ZP4: variants seen among roughly 807,000 people sequenced by gnomAD.
ZP4 encodes zona pellucida sperm-binding protein 4.
Under a neutral mutation model 62.3 loss-of-function variants are expected in ZP4, and 62 were observed. That is an observed-to-expected ratio of 0.99 (90% CI 0.81 to 1.23). ZP4 has a LOEUF of 1.23. Among genes scored for constraint, ZP4 ranks in the 50% most tolerant of loss-of-function variants. ZP4 has a pLI of 0.00. For missense variants in ZP4, 774 were observed against 656.0 expected (o/e 1.18, Z -1.97); for synonymous variants, 289 against 247.3 (o/e 1.17, Z -1.58).
chr1:237,887,436 T>C lies in ZP4; in HGVS notation c.679A>G (p.Met227Val), dbSNP rs368698417. ...LRNDSACNPV[M>V]ATQAFVLFQF... ...AACAGAACAAAAGCTTGTGTTGCCA[T>C]CACAGGGTTACACGCACTGTCATTC... The change falls in exon 5 of 12, where the codon ATG becomes GTG. Residue 227 changes from methionine (M) to valine (V), a missense_variant. Transcript: ENST00000366570. 7.4e-6 allele frequency: 12 copies of C among 1,614,010 alleles called. No homozygotes were observed. The African/African-American group carries it at 1.1e-4, about 14-fold the overall frequency.
At chr1:237,883,955 GTCACACACACAAACACACACACACACAA>G (rs1665006170) in intron 10 of ZP4, among the ~76,000 whole-genome samples, 1 of 134,948 alleles carries the variant, frequency 7.4e-6, no homozygotes, top group Non-Finnish European at 1.5e-5. Context: ...GCAAGAACTG[GTCACACACACAAACACACACACACACAA>G]ACACACACAC....
intron 10 of ZP4, 73 bp downstream of exon 10, chr1:237,884,696 C>T (rs1665052396): frequency 2.8e-6 from 4 of 1,412,198 alleles, no homozygotes; most frequent in Admixed American, 3.8e-5. Context: ...GTTGTTTGGC[C>T]AGAGACTAGG....
Position 237,885,430 on chromosome 1 carries a change from T to C in ZP4, c.1121A>G (p.Asp374Gly). Residue 374 changes from aspartate (D) to glycine (G), a missense_variant, in exon 8 of 12, where the codon GAC becomes GGC. Asp to Gly is a moderately conservative substitution (Grantham distance 94). Transcript: ENST00000366570. ...GGGCCACTGTGGCTGACTCAGGGGG[T>C]CAGTGCTGGGTGTTGCCCAACACTG... ...LQQCWATPST[D>G]PLSQPQWPIL... 6.2e-7 allele frequency: 1 copy of C among 1,613,228 alleles called. No individual in the cohort carries two copies. Among genetic ancestry groups the C allele is most frequent in the Non-Finnish European group, 8.5e-7 (1 of 1,179,638 alleles).
chr1:237,884,253 G>T (rs1221783236), intron 10 of ZP4, among the ~76,000 whole-genome samples: 2 of 152,118 alleles, frequency 1.3e-5, no homozygotes, highest in African/African-American at 4.8e-5. Context: ...TATGAGTTTT[G>T]CTAGAAGGCA....
intron 5 of ZP4, 59 bp from the exon 6 acceptor site, chr1:237,886,927 G>C: frequency 6.8e-7 from 1 of 1,464,704 alleles, no homozygotes; most frequent in Non-Finnish European, 9.5e-7. Flanking sequence ...TGCTTGACTT[G>C]CATCTGGTCT....
chr1:237,890,874 A>G lies in ZP4; in HGVS notation c.-239T>C. On this transcript the variant is annotated 5_prime_UTR_variant, in exon 1 of 12. Coordinates refer to ENST00000366570, the MANE Select transcript of ZP4 (RefSeq NM_021186.5). ...ACAATCCAGGCAGACTTCAGAGCCCAAGAAAAATGTAGTAACTTTTAGCTA... is the reference window on the plus strand; with the variant it reads ...ACAATCCAGGCAGACTTCAGAGCCCGAGAAAAATGTAGTAACTTTTAGCTA... The G allele has an allele frequency of 5.0e-6, 2 of 397,646 alleles. No homozygotes were observed. Among genetic ancestry groups the G allele is most frequent in the Non-Finnish European group, 8.9e-6 (2 of 224,692 alleles). The allele number at this position is 397,646 out of a possible 1,614,324, so 24.6% of individuals were successfully genotyped here.
At position 237,882,827 on chromosome 1, in the gene ZP4, G is replaced by C. The variant is rs536140661; in HGVS notation, c.1410C>G (p.Asn470Lys). The change falls in exon 11 of 12, where the codon AAC becomes AAG. Residue 470 changes from asparagine (N) to lysine (K), a missense_variant. Transcript: ENST00000366570. Reference protein sequence around the residue: ...PDLSRRRNFDNSSQNTTASVS... With the variant: ...PDLSRRRNFDKSSQNTTASVS... ...CACTAGCAGTAGTGTTCTGAGAACT[G>C]TTGTCAAAATTTCTTCTTCCTGTTA... is the stretch of plus-strand genomic sequence containing the variant. 2 of 1,613,550 alleles carry C rather than the reference G, an allele frequency of 1.2e-6. No individual in the cohort carries two copies. Among genetic ancestry groups the C allele is most frequent in the South Asian group, 2.2e-5 (2 of 91,040 alleles).
Position 237,884,041 on chromosome 1 carries a change from CAA to C in ZP4, c.1390+726_1390+727del, listed in dbSNP as rs376245424. 6.9e-3 allele frequency among the ~76,000 whole-genome samples: 816 copies of C among 117,800 alleles called. 18 individuals carry two copies. The highest frequency in any genetic ancestry group is 0.022 in the African/African-American group (496 of 22,354). 77.3% of individuals were successfully genotyped at this position (117,800 alleles called of 152,430 possible). A position where few individuals can be genotyped will look rare whatever the true frequency, so the allele number is the denominator to read the frequency against. On this transcript the variant is annotated intron_variant, in intron 10 of 11. Transcript: ENST00000366570. ...AAACACACACACACACAAACACACACAAACACACACAAACACACACAAACACA... is the reference window on the plus strand; with the variant it reads ...AAACACACACACACACAAACACACACACACACACAAACACACACAAACACA...
chr1:237,890,747 G>T lies in ZP4; in HGVS notation c.-112C>A. ...ACAGAAGTCAGGCTTGTTTTCAGCT[G>T]CACATCTTTGTGACACTCAGGTGGG... On this transcript the variant is annotated 5_prime_UTR_variant, in exon 1 of 12. An upstream open reading frame in the 5' UTR gains an earlier in-frame stop. Transcript: ENST00000366570. 8.0e-7 allele frequency: 1 copy of T among 1,256,362 alleles called. No homozygotes were observed. Among genetic ancestry groups the T allele is most frequent in the Middle Eastern group, 2.8e-4 (1 of 3,532 alleles). 77.8% of individuals were successfully genotyped at this position (1,256,362 alleles called of 1,614,324 possible). A position where few individuals can be genotyped will look rare whatever the true frequency, so the allele number is the denominator to read the frequency against.
chr1:237,890,490 G>T lies in ZP4; in HGVS notation c.146C>A (p.Ala49Glu). ...FQFAVNLNQE[A>E]TSPPVLIAWD... is the part of the protein sequence containing the mutation. ...AGCTATTAGTACAGGAGGAGACGTTGCCTCCTGGTTGAGGTTTACAGCAAA... is the reference window on the plus strand; with the variant it reads ...AGCTATTAGTACAGGAGGAGACGTTTCCTCCTGGTTGAGGTTTACAGCAAA... The change falls in exon 1 of 12, where the codon GCA (alanine) becomes GAA (glutamate). Residue 49 changes from alanine (A) to glutamate (E), a missense_variant. Coordinates refer to ENST00000366570, the MANE Select transcript of ZP4 (RefSeq NM_021186.5). 6.2e-7 allele frequency: 1 copy of T among 1,613,782 alleles called. No homozygotes were observed. The highest frequency in any genetic ancestry group is 8.5e-7 in the Non-Finnish European group (1 of 1,179,914).
In ZP4 at chr1:237,886,824, A is replaced by G. The variant is rs566640263; in HGVS notation, c.786T>C (p.Thr262=). The change falls in exon 6 of 12, where the codon ACT becomes ACC. Residue 262 remains threonine (T), a synonymous_variant. Transcript: ENST00000366570. ...CACGGCTCCCATTTTTCACATCCCTAGTTGCCACCAGTTCATTTTCATATA... is the reference window on the plus strand; with the variant it reads ...CACGGCTCCCATTTTTCACATCCCTGGTTGCCACCAGTTCATTTTCATATA... ...RAVYENELVA[T]RDVKNGSRGS... is the part of the protein sequence containing the mutation. 14 of 1,614,024 alleles carry G rather than the reference A, an allele frequency of 8.7e-6. No homozygotes were observed. The South Asian group carries it at 1.4e-4, about 16-fold the overall frequency.
chr1:237,887,641 T>TA, intron 4 of ZP4, 80 bp from the exon 5 acceptor site: 4 of 1,443,400 alleles, frequency 2.8e-6, no homozygotes, highest in Non-Finnish European at 3.8e-6. Context: ...ACCACTTAGT[T>TA]ACTTTTAATC....
chr1:237,890,335 C>T (rs892092071), intron 1 of ZP4, 126 bp downstream of exon 1: 1 of 1,490,930 alleles, frequency 6.7e-7, no homozygotes, highest in Admixed American at 1.9e-5. Context: ...TAGACTATTT[C>T]TTTTGCAGAA....
Position 237,882,839 on chromosome 1 carries a change from T to C in ZP4, c.1398A>G (p.Arg466=), listed in dbSNP as rs770258295. 10 of 1,613,290 alleles carry C rather than the reference T, an allele frequency of 6.2e-6. No individual in the cohort carries two copies. The highest frequency in any genetic ancestry group is 1.1e-5 in the South Asian group (1 of 91,018). Residue 466 remains arginine, a synonymous_variant, in exon 11 of 12, where the codon AGA becomes AGG. Coordinates refer to ENST00000366570, the MANE Select transcript of ZP4 (RefSeq NM_021186.5). ...VVTCPDLSRR[R]NFDNSSQNTT... The stretch of plus-strand genomic sequence containing the variant: ...TGTTCTGAGAACTGTTGTCAAAATT[T>C]CTTCTTCCTGTTAGAGAAATGAGAC...
chr1:237,885,325 G>A lies in ZP4; in HGVS notation c.1161-10C>T. 1.9e-6 allele frequency: 3 copies of A among 1,613,674 alleles called. No individual in the cohort carries two copies. The highest frequency in any genetic ancestry group is 3.3e-4 in the Middle Eastern group (2 of 6,058). On this transcript the variant is annotated splice_polypyrimidine_tract_variant and intron_variant, in intron 8 of 11. Coordinates refer to ENST00000366570, the MANE Select transcript of ZP4 (RefSeq NM_021186.5). ...TCCAATGTAGGGGCAGCTAGACCAA[G>A]AGACCCAGCAGTCAGGATGGGCTTC...
intron 4 of ZP4, 57 bp downstream of exon 4, chr1:237,888,301 T>G (rs1435216785): frequency 1.4e-6 from 2 of 1,461,112 alleles, no homozygotes; most frequent in Non-Finnish European, 1.8e-6. Context: ...CTCTCTGGGT[T>G]TCATTGTAAT....
At chr1:237,884,088 A>C (rs1389582461) in intron 10 of ZP4, among the ~76,000 whole-genome samples, 2 of 149,078 alleles carry the variant, frequency 1.3e-5, no homozygotes, top group African/African-American at 5.0e-5. Context: ...ACACAAACAC[A>C]CACAAACAGT....
At position 237,890,630 on chromosome 1, in the gene ZP4, C is replaced by T. The variant is rs756381629; in HGVS notation, c.6G>A (p.Trp2Ter). The change falls in exon 1 of 12, where the codon TGG (tryptophan) becomes TGA (stop). Residue 2 changes from tryptophan to a stop codon, truncating the protein, a stop_gained. Coordinates refer to ENST00000366570, the MANE Select transcript of ZP4 (RefSeq NM_021186.5). LOFTEE classifies it high-confidence loss of function. M[W>*]LLRCVLLCVS... ...CACACAGCAAAACGCACCGCAGCAGCCACATAATGCTACCAGGAGTTCCTG... is the reference window on the plus strand; with the variant it reads ...CACACAGCAAAACGCACCGCAGCAGTCACATAATGCTACCAGGAGTTCCTG... 1.2e-6 allele frequency: 2 copies of T among 1,612,162 alleles called. No homozygotes were observed. Among genetic ancestry groups the T allele is most frequent in the Non-Finnish European group, 1.7e-6 (2 of 1,179,286 alleles).
chr1:237,888,858 T>C (rs1188770041), intron 3 of ZP4, among the ~76,000 whole-genome samples: 1 of 152,216 alleles, frequency 6.6e-6, no homozygotes, highest in African/African-American at 2.4e-5. Context: ...ATATGAGTTA[T>C]CTGAAGATTG....
Sources: gnomAD v4.1 joint callset for allele counts (sites outside exome capture counted in the v4.1 genomes callset) on GRCh38, gnomAD v4.1.1 for gene constraint, MANE v1.5 for transcripts, NCBI Gene and HGNC (gene_info 2026-07-23, HGNC 2026-07-21) for gene names.